Variants in KCNIP1 observed in about 807,000 individuals in gnomAD.
The protein encoded by KCNIP1 is A-type potassium channel modulatory protein KCNIP1.
KCNIP1 carries 18 observed loss-of-function variants against 33.0 expected under a neutral mutation model. The ratio of observed to expected loss-of-function variants is 0.55; its 90% confidence interval spans 0.38 to 0.81. The LOEUF is 0.81. Ranked by LOEUF, KCNIP1 falls within the 30% of genes least tolerant of loss-of-function variation. The pLI is 0.00. For missense variants in KCNIP1, 238 were observed against 271.6 expected, an observed-to-expected ratio of 0.88 and a Z score of 0.87; for synonymous variants, 93 against 98.3, an observed-to-expected ratio of 0.95 and a Z score of 0.32.
chr5:170,589,159 G>A (rs1230214067), intron 1 of KCNIP1, among the ~76,000 whole-genome samples: 3 of 152,022 alleles, frequency 2.0e-5, no homozygotes, highest in African/African-American at 7.2e-5. Context: ...CACCATACCT[G>A]GCTAACTTTT....
chr5:170,514,780 C>T (rs749026693), intron 1 of KCNIP1, among the ~76,000 whole-genome samples: 1 of 152,162 alleles, frequency 6.6e-6, no homozygotes, highest in Non-Finnish European at 1.5e-5. Context: ...GGAAAGAAAC[C>T]GATCTGTATC....
rs997354007 is a variant in KCNIP1 at position 170,571,504 on chromosome 5, T to G, written c.61+66871T>G. Reference sequence around the variant, plus strand: ...AAACATCACTTCTTCCTGGAAAGACTGCTGACTCCTAGGTATTTTTCCCCT... The same window carrying G: ...AAACATCACTTCTTCCTGGAAAGACGGCTGACTCCTAGGTATTTTTCCCCT... On this transcript the variant is annotated intron_variant, in intron 1 of 7. Coordinates refer to ENST00000328939, the MANE Select transcript of KCNIP1 (RefSeq NM_014592.4). Among the ~76,000 whole-genome samples, 3 of 152,376 alleles carry G rather than the reference T, an allele frequency of 2.0e-5. No homozygotes were observed. The East Asian group carries it at 5.8e-4, about 29-fold the overall frequency.
At chr5:170,668,010 G>T (rs1231591500) in intron 1 of KCNIP1, among the ~76,000 whole-genome samples, 1 of 152,168 alleles carries the variant, frequency 6.6e-6, no homozygotes, top group Non-Finnish European at 1.5e-5. Flanking sequence ...CAATCACAGT[G>T]ACTGAGGGAT....
intron 1 of KCNIP1, among the ~76,000 whole-genome samples, chr5:170,590,290 C>T (rs1039228874): frequency 2.6e-5 from 4 of 152,220 alleles, no homozygotes; most frequent in African/African-American, 9.6e-5. Flanking sequence ...CCAGGGCACT[C>T]GTCAACCACC....
At chr5:170,496,488 A>G (rs1757313563) in intron 1 of KCNIP1, among the ~76,000 whole-genome samples, 1 of 152,228 alleles carries the variant, frequency 6.6e-6, no homozygotes. Flanking sequence ...TCTATAAAAC[A>G]GGAAACAATG....
At chr5:170,429,272 C>A (rs1755687872) in intron 1 of KCNIP1, among the ~76,000 whole-genome samples, 3 of 152,086 alleles carry the variant, frequency 2.0e-5, no homozygotes, top group Admixed American at 1.3e-4. Flanking sequence ...CTCTGCTAAA[C>A]CCCTCACTGA....
intron 1 of KCNIP1, among the ~76,000 whole-genome samples, chr5:170,397,683 T>A (rs1165078456): frequency 6.6e-6 from 1 of 152,132 alleles, no homozygotes; most frequent in Non-Finnish European, 1.5e-5. Flanking sequence ...ATGAAAAGAG[T>A]CAAACTCTGT....
chr5:170,526,532 C>A (rs1036706638), intron 1 of KCNIP1, among the ~76,000 whole-genome samples: 17 of 152,056 alleles, frequency 1.1e-4, no homozygotes, highest in African/African-American at 3.9e-4. Context: ...TAATTGAAGA[C>A]CTATCCTTCT....
intron 1 of KCNIP1, among the ~76,000 whole-genome samples, chr5:170,688,625 G>T (rs2113810116): frequency 6.6e-6 from 1 of 152,256 alleles, no homozygotes; most frequent in African/African-American, 2.4e-5. Context: ...TCAAAGGATG[G>T]ACTAAGCCAT....
intron 6 of KCNIP1, among the ~76,000 whole-genome samples, chr5:170,733,551 G>A (rs749542182): frequency 6.6e-6 from 1 of 152,156 alleles, no homozygotes; most frequent in Non-Finnish European, 1.5e-5. Flanking sequence ...AGGGTAGCAG[G>A]GAGTCTACAG....
chr5:170,717,758 A>G (rs1268307534), intron 1 of KCNIP1, among the ~76,000 whole-genome samples: 1 of 152,218 alleles, frequency 6.6e-6, no homozygotes, highest in African/African-American at 2.4e-5. Flanking sequence ...AGGATGAGAC[A>G]TGGTCTGTGC....
chr5:170,653,245 C>A (rs930948446), intron 1 of KCNIP1, among the ~76,000 whole-genome samples: 2 of 152,170 alleles, frequency 1.3e-5, no homozygotes, highest in Admixed American at 1.3e-4. Context: ...GCCAAGTGTC[C>A]ATGAGGAATT....
At chr5:170,526,401 C>A (rs553009871) in intron 1 of KCNIP1, among the ~76,000 whole-genome samples, 2 of 152,194 alleles carry the variant, frequency 1.3e-5, no homozygotes, top group Non-Finnish European at 2.9e-5. Flanking sequence ...CGAACTCAGG[C>A]CTGTCGGGTT....
In KCNIP1 at chr5:170,718,755, C is replaced by T; in HGVS notation, c.62-3C>T. The T allele has an allele frequency of 1.2e-6, 2 of 1,613,578 alleles. No individual in the cohort carries two copies. Among genetic ancestry groups the T allele is most frequent in the Non-Finnish European group, 1.7e-6 (2 of 1,179,792 alleles). On this transcript the variant is annotated splice_polypyrimidine_tract_variant and splice_region_variant and intron_variant, in intron 1 of 7. Transcript: ENST00000328939. ...ATTCCAATGCCATCTCCTCTGGTTCCAGATAAGATTGAAGATGAGCTGGAG... is the reference window on the plus strand; with the variant it reads ...ATTCCAATGCCATCTCCTCTGGTTCTAGATAAGATTGAAGATGAGCTGGAG...
Position 170,504,338 on chromosome 5 carries a change from G to T in KCNIP1, c.-235G>T. 1 of 1,389,008 alleles carries T rather than the reference G, an allele frequency of 7.2e-7. No homozygotes were observed. Among genetic ancestry groups the T allele is most frequent in the Non-Finnish European group, 9.3e-7 (1 of 1,076,830 alleles). 86.0% of individuals were successfully genotyped at this position (1,389,008 alleles called of 1,614,324 possible). ...GGCCGGGTCCTCGCGCGGGGAAGCGGTTCCGAAGGCTCGCGGGGAGCGGCT... is the reference window on the plus strand; with the variant it reads ...GGCCGGGTCCTCGCGCGGGGAAGCGTTTCCGAAGGCTCGCGGGGAGCGGCT... On this transcript the variant is annotated 5_prime_UTR_variant, in exon 1 of 8. Coordinates refer to ENST00000328939, the MANE Select transcript of KCNIP1 (RefSeq NM_014592.4). This position sits in a 1 kb window ranked among gnomAD's most constrained non-coding sequence, Gnocchi z 6.0.
At chr5:170,676,608 C>G (rs1256652543) in intron 1 of KCNIP1, among the ~76,000 whole-genome samples, 1 of 152,144 alleles carries the variant, frequency 6.6e-6, no homozygotes, top group African/African-American at 2.4e-5. Context: ...TTAGTTTTTC[C>G]AAATGAGGTT....
chr5:170,440,854 C>T (rs1755971673), intron 1 of KCNIP1, among the ~76,000 whole-genome samples: 1 of 152,130 alleles, frequency 6.6e-6, no homozygotes, highest in Admixed American at 6.5e-5. Flanking sequence ...AGGGTATGTC[C>T]TTGGATGAAG....
At chr5:170,363,593 G>A (rs527297909) in intron 1 of KCNIP1, among the ~76,000 whole-genome samples, 11 of 152,310 alleles carry the variant, frequency 7.2e-5, no homozygotes, top group Admixed American at 1.3e-4. Context: ...ATAGATTTTC[G>A]TTATTTAACT....
intron 1 of KCNIP1, among the ~76,000 whole-genome samples, chr5:170,558,968 A>T (rs1344036109): frequency 6.6e-6 from 1 of 152,174 alleles, no homozygotes; most frequent in Non-Finnish European, 1.5e-5. Flanking sequence ...AAATAAGAGG[A>T]TCAAAAAAAG....
Sources: gnomAD v4.1 joint callset for allele counts (sites outside exome capture counted in the v4.1 genomes callset) on GRCh38, gnomAD v4.1.1 for gene constraint, Gnocchi (gnomAD v3.1) non-coding constraint, MANE v1.5 for transcripts, NCBI Gene and HGNC (gene_info 2026-07-23, HGNC 2026-07-21) for gene names.